RTN4: variants seen among roughly 807,000 people sequenced by gnomAD.
RTN4 encodes the protein reticulon 4.
RTN4 carries 32 observed loss-of-function variants against 90.4 expected under a neutral mutation model. The observed-to-expected ratio is 0.35, with a 90% confidence interval of 0.27 to 0.48. The LOEUF is 0.48. Ranked by LOEUF, RTN4 falls within the 20% of genes least tolerant of loss-of-function variation. The probability of loss-of-function intolerance (pLI) is 0.99; values close to 1 mark genes in which losing one functional copy is unlikely to be tolerated. For synonymous variants in RTN4, 629 were observed against 552.5 expected (o/e 1.14, Z -1.94); for missense variants, 1,706 against 1,430.2 (o/e 1.19, Z -3.11).
intron 4 of RTN4, among the ~76,000 whole-genome samples, chr2:54,984,436 AC>A (rs1464307849): frequency 3.9e-5 from 6 of 152,244 alleles, no homozygotes; most frequent in Non-Finnish European, 7.3e-5. Context: ...TGATATTTAA[AC>A]CAGCAATTAT....
At chr2:55,003,084 G>A (rs1007554893) in intron 3 of RTN4, among the ~76,000 whole-genome samples, 1 of 152,120 alleles carries the variant, frequency 6.6e-6, no homozygotes, top group Non-Finnish European at 1.5e-5. Context: ...ATACTGTCCC[G>A]TAACTCTAGA....
At chr2:55,004,345 T>C (rs1252992417) in intron 3 of RTN4, among the ~76,000 whole-genome samples, 1 of 152,200 alleles carries the variant, frequency 6.6e-6, no homozygotes, top group Non-Finnish European at 1.5e-5. Context: ...AAATATAAAT[T>C]ATAAAATAAA....
intron 3 of RTN4, among the ~76,000 whole-genome samples, chr2:54,991,622 C>T (rs1679019030): frequency 6.6e-6 from 1 of 152,324 alleles, no homozygotes; most frequent in African/African-American, 2.4e-5. Flanking sequence ...GTACTGCATT[C>T]AAATTCCCTG....
chr2:55,021,849 A>G (rs1313348869), intron 3 of RTN4, among the ~76,000 whole-genome samples: 2 of 152,170 alleles, frequency 1.3e-5, no homozygotes, highest in Non-Finnish European at 2.9e-5. Flanking sequence ...TGTAGAATAT[A>G]TATATTGGGT....
In RTN4 at chr2:55,050,037, C is replaced by T; in HGVS notation, c.264G>A (p.Pro88=). The T allele has an allele frequency of 7.1e-7, 1 of 1,400,730 alleles. No individual in the cohort carries two copies. The highest frequency in any genetic ancestry group is 1.6e-5 in the South Asian group (1 of 63,544). 86.8% of individuals were successfully genotyped at this position (1,400,730 alleles called of 1,614,324 possible). ...CGGCCGGCAGGGGTCCCCGGGGCGC[C>T]GGCGGCACGAAGTCATTTCCGAAGT... ...LMDFGNDFVP[P]APRGPLPAAP... is the part of the protein sequence containing the mutation. Residue 88 remains proline (P), a synonymous_variant, in exon 1 of 9, where the codon CCG becomes CCA. Coordinates refer to ENST00000337526, the MANE Select transcript of RTN4 (RefSeq NM_020532.5). This position sits in a 1 kb window ranked among gnomAD's most constrained non-coding sequence, Gnocchi z 4.6.
At chr2:54,973,375 C>CT in intron 8 of RTN4, 177 bp from the exon 9 acceptor site, 1 of 759,020 alleles carries the variant, frequency 1.3e-6, no homozygotes, top group Non-Finnish European at 2.2e-6. Flanking sequence ...TAAACAAAGC[C>CT]TTAAACACAT....
intron 1 of RTN4, among the ~76,000 whole-genome samples, chr2:55,088,853 G>C (rs1353984090): frequency 6.6e-6 from 1 of 152,214 alleles, no homozygotes; most frequent in African/African-American, 2.4e-5. Flanking sequence ...CTCCTCATTA[G>C]ACAACATTAT....
chr2:54,972,808 T>C lies in RTN4; in HGVS notation c.*348A>G, dbSNP rs1677198949. Reference sequence around the variant, plus strand: ...AACTGAAAAGGGCTTTTTTTTTTTTTTTTCTAGCTCCACCATCTCTGCAAC... The same window carrying C: ...AACTGAAAAGGGCTTTTTTTTTTTTCTTTCTAGCTCCACCATCTCTGCAAC... On this transcript the variant is annotated 3_prime_UTR_variant, in exon 9 of 9. Coordinates refer to ENST00000337526, the MANE Select transcript of RTN4 (RefSeq NM_020532.5). The C allele has an allele frequency of 5.2e-6, 1 of 192,940 alleles. No homozygotes were observed. The highest frequency in any genetic ancestry group is 1.1e-5 in the Non-Finnish European group (1 of 95,102). 12.0% of individuals were successfully genotyped at this position (192,940 alleles called of 1,614,324 possible). A position where few individuals can be genotyped will look rare whatever the true frequency, so the allele number is the denominator to read the frequency against.
rs760471239 is a variant in RTN4, at chr2:55,050,319, A to ATGCTGCAGC, written c.-28_-20dup. 9 of 1,383,478 alleles carry ATGCTGCAGC rather than the reference A, an allele frequency of 6.5e-6. No individual in the cohort carries two copies. Among genetic ancestry groups the ATGCTGCAGC allele is most frequent in the African/African-American group, 6.0e-5 (4 of 66,630 alleles). 85.7% of individuals were successfully genotyped at this position (1,383,478 alleles called of 1,614,324 possible). ...CTTCCATGGCTGGAGGGTGGAGATG[A>ATGCTGCAGC]TGCTGCAGCTGCTGCCGCCGCCGCC... is the stretch of plus-strand genomic sequence containing the variant. On this transcript the variant is annotated 5_prime_UTR_variant, in exon 1 of 9. Transcript: ENST00000337526. This position sits in a 1 kb window ranked among gnomAD's most constrained non-coding sequence, Gnocchi z 4.6.
rs746103047 is a variant in RTN4 at position 55,026,069 on chromosome 2, A to C, written c.2030T>G (p.Ile677Ser). The C allele has an allele frequency of 6.2e-7, 1 of 1,610,362 alleles. No individual in the cohort carries two copies. Among genetic ancestry groups the C allele is most frequent in the East Asian group, 2.2e-5 (1 of 44,876 alleles). ...LKKVSGIKEE[I>S]KEPENINAAL... ...TGCATTAATATTTTCAGGCTCTTTA[A>C]TTTCTTCCTTTATTCCTGATACTTT... The change falls in exon 3 of 9, where the codon ATT becomes AGT. Residue 677 changes from isoleucine to serine, a missense_variant. Physicochemically the swap from Ile to Ser is moderately radical, Grantham distance 142. Transcript: ENST00000337526.
At chr2:55,071,904 A>C (rs1172015315) in intron 2 of RTN4, among the ~76,000 whole-genome samples, 1 of 152,208 alleles carries the variant, frequency 6.6e-6, no homozygotes, top group African/African-American at 2.4e-5. Context: ...AGAATTTTGG[A>C]ACCCCAAAGA....
chr2:54,982,698 T>G (rs571656387), intron 4 of RTN4, 45 bp from the exon 5 acceptor site: 2 of 1,553,180 alleles, frequency 1.3e-6, no homozygotes. Context: ...TGGAGTGATT[T>G]TCCCCTAAAT....
chr2:55,030,898 T>G (rs188744027), intron 1 of RTN4, among the ~76,000 whole-genome samples: 1 of 152,176 alleles, frequency 6.6e-6, no homozygotes, highest in Admixed American at 6.6e-5. Context: ...AGCAGAAATA[T>G]TGCATTGATC....
upstream of RTN4, among the ~76,000 whole-genome samples, chr2:55,052,225 A>G (rs561840711): frequency 2.6e-5 from 4 of 152,306 alleles, no homozygotes; most frequent in South Asian, 2.1e-4. Context: ...AGTTAATGAT[A>G]TATCAATATC....
chr2:55,114,377 CA>C (rs1421171833), upstream of RTN4, among the ~76,000 whole-genome samples: 1 of 152,142 alleles, frequency 6.6e-6, no homozygotes, highest in South Asian at 2.1e-4. Context: ...AAGGAGGCTC[CA>C]AAGTCCAGGT....
intron 3 of RTN4, among the ~76,000 whole-genome samples, chr2:54,990,078 C>T (rs1372366288): frequency 2.0e-5 from 3 of 152,132 alleles, no homozygotes; most frequent in Non-Finnish European, 4.4e-5. Context: ...GAATAACTTA[C>T]GAGCTACGTG....
At chr2:54,984,188 C>A (rs6734314) in intron 4 of RTN4, among the ~76,000 whole-genome samples, 129,979 of 152,184 alleles carry the variant, frequency 0.85, 55,952 homozygotes, top group African/African-American at 0.97. Context: ...CCCTGATGTT[C>A]TCTCTCACTC....
chr2:55,003,880 G>A (rs985751125), intron 3 of RTN4, among the ~76,000 whole-genome samples: 2 of 152,152 alleles, frequency 1.3e-5, no homozygotes, highest in Admixed American at 6.6e-5. Flanking sequence ...AGAGACGTGG[G>A]CATCTGTGGA....
the RTN4 span, among the ~76,000 whole-genome samples, chr2:55,135,966 G>A: frequency 6.6e-6 from 1 of 152,172 alleles, no homozygotes; most frequent in African/African-American, 2.4e-5. Context: ...AGAGCAGTTA[G>A]CTAGGCAGAT....
Sources: gnomAD v4.1 joint callset for allele counts (sites outside exome capture counted in the v4.1 genomes callset) on GRCh38, gnomAD v4.1.1 for gene constraint, Gnocchi (gnomAD v3.1) non-coding constraint, MANE v1.5 for transcripts, NCBI Gene and HGNC (gene_info 2026-07-23, HGNC 2026-07-21) for gene names.